Variants in AIG1 observed in about 807,000 individuals in gnomAD.
AIG1 encodes the protein androgen-induced gene 1 protein.
AIG1 carries 23 observed loss-of-function variants against 31.4 expected under a neutral mutation model. The ratio of observed to expected loss-of-function variants is 0.73; its 90% CI spans 0.53 to 1.04. The LOEUF (loss-of-function observed/expected upper bound fraction) is 1.04, where lower values mean the gene tolerates loss of function less well. AIG1 is among the 50% of genes least tolerant of loss of function. AIG1 has a pLI of 0.00. For missense variants in AIG1, 274 were observed against 295.0 expected (o/e 0.93, Z 0.52); for synonymous variants, 100 against 110.5 (o/e 0.90, Z 0.60).
At chr6:143,097,889 T>C (rs985007351) in intron 1 of AIG1, among the ~76,000 whole-genome samples, 5 of 152,218 alleles carry the variant, frequency 3.3e-5, no homozygotes, top group African/African-American at 1.2e-4. Flanking sequence ...AAGAAGTGTC[T>C]GTGCTTCTAA....
chr6:143,134,396 C>CTTT (rs61322198), intron 1 of AIG1, among the ~76,000 whole-genome samples: 6 of 111,408 alleles, frequency 5.4e-5, no homozygotes, highest in African/African-American at 2.0e-4. Context: ...TCCTGGTTTC[C>CTTT]TTTTTTTTTT....
intron 3 of AIG1, among the ~76,000 whole-genome samples, chr6:143,223,561 C>A (rs866265100): frequency 2.6e-5 from 4 of 152,048 alleles, no homozygotes; most frequent in Non-Finnish European, 5.9e-5. Flanking sequence ...CCCTCTCTTC[C>A]CATCTCCCTC....
chr6:143,063,010 G>A (rs1776390156), intron 1 of AIG1, among the ~76,000 whole-genome samples: 1 of 152,206 alleles, frequency 6.6e-6, no homozygotes, highest in Admixed American at 6.5e-5. Context: ...CAAGGCAGGG[G>A]TCAGCAGGTG....
Position 143,148,857 on chromosome 6 carries a change from C to T in AIG1, c.297+11867C>T, listed in dbSNP as rs573207244. On this transcript the variant is annotated intron_variant, in intron 2 of 5. Coordinates refer to ENST00000357847, the MANE Select transcript of AIG1 (RefSeq NM_016108.4). ...AGAGAGAGAGAAAAGAGAAAACCAC[C>T]AACAACCTGCCTTTACTATGTTTAG... Among the ~76,000 whole-genome samples, 18 of 151,932 alleles carry T rather than the reference C, an allele frequency of 1.2e-4. No individual in the cohort carries two copies. In the East Asian group the frequency reaches 3.5e-3, roughly 29 times the overall value.
chr6:143,216,143 A>T (rs1792011642), intron 3 of AIG1, among the ~76,000 whole-genome samples: 1 of 151,748 alleles, frequency 6.6e-6, no homozygotes, highest in South Asian at 2.1e-4. Flanking sequence ...AAGGAGAGAA[A>T]CTGTCAAGAC....
intron 3 of AIG1, among the ~76,000 whole-genome samples, chr6:143,261,946 A>T (rs1795806905): frequency 6.6e-6 from 1 of 152,236 alleles, no homozygotes; most frequent in Admixed American, 6.5e-5. Flanking sequence ...AGTTTACAGC[A>T]ATTTCTCTTA....
intron 1 of AIG1, among the ~76,000 whole-genome samples, chr6:143,132,616 A>C (rs1042617603): frequency 1.3e-5 from 2 of 151,374 alleles, no homozygotes; most frequent in Middle Eastern, 3.2e-3. Flanking sequence ...GTTTTCAGAA[A>C]ACTTCGAAAA....
At chr6:143,194,193 C>T (rs1790029073) in intron 3 of AIG1, among the ~76,000 whole-genome samples, 1 of 152,108 alleles carries the variant, frequency 6.6e-6, no homozygotes, top group Non-Finnish European at 1.5e-5. Flanking sequence ...GGGTAGGTCT[C>T]AGGAAACTTA....
At chr6:143,164,954 G>T in intron 2 of AIG1, 128 bp from the exon 3 acceptor site, 1 of 670,664 alleles carries the variant, frequency 1.5e-6, no homozygotes, top group Non-Finnish European at 2.6e-6. Flanking sequence ...ATCATTAGCT[G>T]GTTTACTGAG....
intron 2 of AIG1, among the ~76,000 whole-genome samples, chr6:143,142,867 T>C (rs1488401344): frequency 1.3e-5 from 2 of 152,206 alleles, no homozygotes. Flanking sequence ...AAATCTCAAA[T>C]GCAAACTCAA....
chr6:143,111,869 A>G (rs1028164441), intron 1 of AIG1, among the ~76,000 whole-genome samples: 1 of 151,658 alleles, frequency 6.6e-6, no homozygotes, highest in African/African-American at 2.4e-5. Context: ...TGCAGTCTTG[A>G]CCCTCTTCTC....
chr6:143,298,608 C>A lies in AIG1; in HGVS notation c.515+14383C>A, dbSNP rs562269723. ...GGAGGCTCACCTAGGCCCAGGAGTT[C>A]AAAACCCAGCCTGGACAACATAGCA... On this transcript the variant is annotated intron_variant, in intron 4 of 5. Transcript: ENST00000357847. This position sits in a 1 kb window ranked among gnomAD's most constrained non-coding sequence, Gnocchi z 5.1. Among the ~76,000 whole-genome samples the A allele has an allele frequency of 7.9e-5, 12 of 152,252 alleles. No individual in the cohort carries two copies. The South Asian group carries it at 1.7e-3, about 21-fold the overall frequency.
chr6:143,307,472 C>G (rs1487156021), intron 4 of AIG1, among the ~76,000 whole-genome samples: 3 of 151,974 alleles, frequency 2.0e-5, no homozygotes, highest in Non-Finnish European at 2.9e-5. Flanking sequence ...CACTCCAGAC[C>G]CTGTTTGCCT....
intron 4 of AIG1, among the ~76,000 whole-genome samples, chr6:143,302,597 A>G (rs1447372468): frequency 1.3e-5 from 2 of 152,090 alleles, no homozygotes; most frequent in African/African-American, 2.4e-5. Context: ...GTGTATATGT[A>G]CCACATTTTC....
chr6:143,205,970 A>C (rs186867718), intron 3 of AIG1, among the ~76,000 whole-genome samples: 16 of 152,332 alleles, frequency 1.1e-4, no homozygotes, highest in Admixed American at 9.1e-4. Context: ...TTTCCCTCCA[A>C]ATCATTAAAG....
intron 1 of AIG1, among the ~76,000 whole-genome samples, chr6:143,064,105 A>G (rs1360444423): frequency 2.0e-5 from 3 of 152,232 alleles, no homozygotes; most frequent in South Asian, 2.1e-4. Flanking sequence ...TGGGCCTCCA[A>G]AGATGTTTAC....
intron 2 of AIG1, among the ~76,000 whole-genome samples, chr6:143,150,545 C>T (rs1785113803): frequency 1.3e-5 from 2 of 152,056 alleles, no homozygotes. Context: ...AGACTGGGGC[C>T]CATTAGGGTG....
rs1200285788 is a variant in AIG1 at position 143,328,144 on chromosome 6, A to G, written c.516-5138A>G. On this transcript the variant is annotated intron_variant, in intron 4 of 5. Coordinates refer to ENST00000357847, the MANE Select transcript of AIG1 (RefSeq NM_016108.4). This position sits in a 1 kb window ranked among gnomAD's most constrained non-coding sequence, Gnocchi z 4.0. ...GGAAGAGGAACAGCCAAGTGGTAGG[A>G]GGAAAACCAAGAGAAATTGATGTCA... 6.6e-6 allele frequency among the ~76,000 whole-genome samples: 1 copy of G among 152,178 alleles called. No individual in the cohort carries two copies. Among genetic ancestry groups the G allele is most frequent in the Non-Finnish European group, 1.5e-5 (1 of 68,026 alleles).
In AIG1 at chr6:143,084,815, A is replaced by C. The variant is rs188675051; in HGVS notation, c.141+23749A>C. On this transcript the variant is annotated intron_variant, in intron 1 of 5. Transcript: ENST00000357847. Reference sequence around the variant, plus strand: ...GTTTCCCTTAGTCCTTCTAGCACACAAGTTAGTAAATGTCTGCAGCACCAA... The same window carrying C: ...GTTTCCCTTAGTCCTTCTAGCACACCAGTTAGTAAATGTCTGCAGCACCAA... Among the ~76,000 whole-genome samples, 484 of 152,264 alleles carry C rather than the reference A, an allele frequency of 3.2e-3. 3 individuals are homozygous for C. Among genetic ancestry groups the C allele is most frequent in the African/African-American group, 0.011 (451 of 41,554 alleles).
Sources: allele counts gnomAD v4.1 joint callset (sites outside exome capture counted in the v4.1 genomes callset), GRCh38; gene constraint gnomAD v4.1.1; non-coding constraint Gnocchi (gnomAD v3.1); transcripts MANE v1.5; gene names NCBI Gene and HGNC (gene_info 2026-07-23, HGNC 2026-07-21).